Variants in RANBP17 observed in about 807,000 individuals in gnomAD.
RANBP17 encodes the protein ran-binding protein 17.
In RANBP17, 158 loss-of-function variants were observed where a neutral mutation model predicts 141.2. That is an observed-to-expected ratio of 1.12 (90% CI 0.98 to 1.28). RANBP17 has a LOEUF of 1.28. RANBP17 is among the 50% of genes most tolerant of loss of function. The pLI, the probability that RANBP17 is intolerant of heterozygous loss-of-function variation, is 0.00. For missense variants in RANBP17, 1,438 were observed against 1,290.7 expected (o/e 1.11, Z -1.75); for synonymous variants, 430 against 450.0 (o/e 0.96, Z 0.56).
intron 12 of RANBP17, among the ~76,000 whole-genome samples, chr5:170,935,979 C>A (rs544105605): frequency 1.2e-4 from 18 of 152,322 alleles, no homozygotes; most frequent in African/African-American, 4.3e-4. Flanking sequence ...CTTACCTACT[C>A]AAGCCGCAGC....
At position 171,183,199 on chromosome 5, in the gene RANBP17, A is replaced by T; in HGVS notation, c.1898A>T (p.Asp633Val). Reference sequence around the variant, plus strand: ...CTTTTAAAAAAACTTGTGAAGATAGATGCTGTGAAATTCATGCTAAAAAAC... The same window carrying T: ...CTTTTAAAAAAACTTGTGAAGATAGTTGCTGTGAAATTCATGCTAAAAAAC... ...YILLKKLVKI[D>V]AVKFMLKNHT... The change falls in exon 17 of 28, where the codon GAT becomes GTT. Residue 633 changes from aspartate (D) to valine (V), a missense_variant. Coordinates refer to ENST00000523189, the MANE Select transcript of RANBP17 (RefSeq NM_022897.5). The T allele has an allele frequency of 6.3e-7, 1 of 1,582,770 alleles. No homozygotes were observed. The highest frequency in any genetic ancestry group is 1.1e-5 in the South Asian group (1 of 90,342).
intron 7 of RANBP17, among the ~76,000 whole-genome samples, chr5:170,913,390 G>C (rs1024611884): frequency 6.6e-6 from 1 of 151,958 alleles, no homozygotes; most frequent in African/African-American, 2.4e-5. Context: ...TGATGGTGTG[G>C]AACATGTTAT....
At chr5:171,003,538 A>T (rs1001827445) in intron 14 of RANBP17, among the ~76,000 whole-genome samples, 1 of 152,228 alleles carries the variant, frequency 6.6e-6, no homozygotes, top group Admixed American at 6.5e-5. Flanking sequence ...GAGGTAGGTA[A>T]CGGATGGAGA....
At chr5:171,177,253 A>G (rs1210607144) in intron 16 of RANBP17, among the ~76,000 whole-genome samples, 1 of 152,000 alleles carries the variant, frequency 6.6e-6, no homozygotes, top group Non-Finnish European at 1.5e-5. Flanking sequence ...AATCCTCCCT[A>G]TTCCTCTTCT....
In RANBP17 at chr5:171,128,170, T is replaced by C. The variant is rs535682357; in HGVS notation, c.1711-41960T>C. Among the ~76,000 whole-genome samples the C allele has an allele frequency of 2.0e-5, 3 of 152,100 alleles. No individual in the cohort carries two copies. The South Asian group carries it at 6.2e-4, about 32-fold the overall frequency. On this transcript the variant is annotated intron_variant, in intron 14 of 27. Transcript: ENST00000523189. ...GAGACTCCGTCTCAAAAAAAAAGAA[T>C]ATCAGTATATCAAAGAGACATCTGT...
rs144623670 is a variant in RANBP17, at chr5:171,278,467, C to T, written c.2943+12620C>T. ...CCAGGAGGCAGAGGTTGCAGTGAGG[C>T]GCCATTGCACTCCAGCCTGAGACTC... On this transcript the variant is annotated intron_variant, in intron 25 of 27. Coordinates refer to ENST00000523189, the MANE Select transcript of RANBP17 (RefSeq NM_022897.5). Among the ~76,000 whole-genome samples, 543 of 152,036 alleles carry T rather than the reference C, an allele frequency of 3.6e-3. 4 individuals carry two copies. The highest frequency in any genetic ancestry group is 0.012 in the African/African-American group (500 of 41,474).
intron 14 of RANBP17, among the ~76,000 whole-genome samples, chr5:171,141,473 G>C (rs900482675): frequency 2.6e-5 from 4 of 151,254 alleles, no homozygotes; most frequent in Admixed American, 1.3e-4. Flanking sequence ...CAGGCGTGGT[G>C]GTGGGCACCT....
chr5:171,252,198 A>G, intron 24 of RANBP17: 1 of 1,579,894 alleles, frequency 6.3e-7, no homozygotes, highest in East Asian at 2.2e-5. Context: ...ATGAATTCTT[A>G]AATTACCTAC....
At chr5:170,974,538 G>A (rs762881863) in intron 14 of RANBP17, among the ~76,000 whole-genome samples, 1 of 152,104 alleles carries the variant, frequency 6.6e-6, no homozygotes, top group East Asian at 1.9e-4. Flanking sequence ...GGCTCTTTTA[G>A]TCTAGAGTTC....
Position 171,298,927 on chromosome 5 carries a change from A to G in RANBP17, c.*69A>G. ...CTCCTGAAGGTCTGGGTCTCAGGACAGTGATGTTGGCTAGCCCAGGGGAAT... is the reference window on the plus strand; with the variant it reads ...CTCCTGAAGGTCTGGGTCTCAGGACGGTGATGTTGGCTAGCCCAGGGGAAT... On this transcript the variant is annotated 3_prime_UTR_variant, in exon 28 of 28. Coordinates refer to ENST00000523189, the MANE Select transcript of RANBP17 (RefSeq NM_022897.5). 2 of 1,233,292 alleles carry G rather than the reference A, an allele frequency of 1.6e-6. No homozygotes were observed. The highest frequency in any genetic ancestry group is 1.2e-5 in the South Asian group (1 of 80,696). The allele number at this position is 1,233,292 out of a possible 1,614,324, so 76.4% of individuals were successfully genotyped here.
rs527513632 is a variant in RANBP17, at chr5:170,919,525, A to C, written c.1186A>C (p.Thr396Pro). 1.5e-4 allele frequency: 235 copies of C among 1,612,324 alleles called. 4 individuals are homozygous for C. In the South Asian group the frequency reaches 2.6e-3, roughly 18 times the overall value. The change falls in exon 11 of 28, where the codon ACT (threonine) becomes CCT (proline). Residue 396 changes from threonine to proline, a missense_variant. Physicochemically the swap from Thr to Pro is conservative, Grantham distance 38. Transcript: ENST00000523189. ...MVASVPFVKS[T>P]EPHLLDTYAP... Reference sequence around the variant, plus strand: ...AGCATCTGTTCCTTTTGTGAAATCAACTGAACCCCACCTATTAGACACTTA... The same window carrying C: ...AGCATCTGTTCCTTTTGTGAAATCACCTGAACCCCACCTATTAGACACTTA...
In RANBP17 at chr5:171,121,736, T is replaced by TGAAC. The variant is rs1756051439; in HGVS notation, c.1711-48394_1711-48393insGAAC. 2.0e-5 allele frequency among the ~76,000 whole-genome samples: 3 copies of TGAAC among 152,048 alleles called. No homozygotes were observed. In the East Asian group the frequency reaches 5.8e-4, roughly 29 times the overall value. On this transcript the variant is annotated intron_variant, in intron 14 of 27. Coordinates refer to ENST00000523189, the MANE Select transcript of RANBP17 (RefSeq NM_022897.5). ...TGGGACCAGGCTCCATGCAACTAGGTTTGTGGTGTTCAGCCACCGGTGTGG... is the reference window on the plus strand; with the variant it reads ...TGGGACCAGGCTCCATGCAACTAGGTGAACTTGTGGTGTTCAGCCACCGGTGTGG...
chr5:170,927,037 G>T (rs1772986315), intron 12 of RANBP17, among the ~76,000 whole-genome samples: 1 of 152,020 alleles, frequency 6.6e-6, no homozygotes, highest in South Asian at 2.1e-4. Flanking sequence ...AATGATTTTA[G>T]TGATTTAGTC....
intron 20 of RANBP17, 74 bp downstream of exon 20, chr5:171,205,686 G>A (rs1762540978): frequency 1.8e-6 from 2 of 1,111,860 alleles, no homozygotes; most frequent in Non-Finnish European, 1.4e-6. Flanking sequence ...TCGTTTAATA[G>A]TATGGCACAG....
At chr5:171,123,367 A>T (rs1267625895) in intron 14 of RANBP17, among the ~76,000 whole-genome samples, 1 of 152,192 alleles carries the variant, frequency 6.6e-6, no homozygotes, top group Non-Finnish European at 1.5e-5. Context: ...CAGCACCCAC[A>T]CACAGCTACC....
In RANBP17 at chr5:171,065,505, G is replaced by A. The variant is rs577866502; in HGVS notation, c.1710+97128G>A. ...AGGTGATAATGCTGGCTTGCCCTCC[G>A]CTCATCTCCTGCTTTGTGACTCCCA... On this transcript the variant is annotated intron_variant, in intron 14 of 27. Transcript: ENST00000523189. Among the ~76,000 whole-genome samples, 58 of 152,066 alleles carry A rather than the reference G, an allele frequency of 3.8e-4. 1 individual carries two copies. In the South Asian group the frequency reaches 0.01, roughly 27 times the overall value.
intron 9 of RANBP17, chr5:170,918,259 A>AATT (rs1408175539): frequency 6.6e-6 from 1 of 152,192 alleles, no homozygotes; most frequent in Middle Eastern, 3.1e-3. Context: ...GATACTCAAT[A>AATT]AATATTTGTT....
chr5:170,980,004 T>C (rs1227759045), intron 14 of RANBP17, among the ~76,000 whole-genome samples: 1 of 152,200 alleles, frequency 6.6e-6, no homozygotes, highest in East Asian at 1.9e-4. Context: ...GATAATTATA[T>C]GGACAGTGAA....
intron 16 of RANBP17, among the ~76,000 whole-genome samples, chr5:171,179,753 T>C (rs879886561): frequency 7.2e-5 from 11 of 152,148 alleles, no homozygotes; most frequent in Admixed American, 7.2e-4. Context: ...GTACATATTA[T>C]AGTGGTTTTT....
Sources: gnomAD v4.1 joint callset for allele counts (sites outside exome capture counted in the v4.1 genomes callset) on GRCh38, gnomAD v4.1.1 for gene constraint, MANE v1.5 for transcripts, NCBI Gene and HGNC (gene_info 2026-07-23, HGNC 2026-07-21) for gene names.